The following GULP1 variants were observed in gnomAD, a reference collection of about 807,000 sequenced individuals.
The protein encoded by GULP1 is GULP PTB domain containing engulfment adaptor 1.
A neutral mutation model predicts 40.9 loss-of-function variants in GULP1; 19 were observed. The observed-to-expected ratio is 0.46, with a 90% CI of 0.32 to 0.68. The LOEUF (loss-of-function observed/expected upper bound fraction) is 0.68. Ranked by LOEUF, GULP1 falls within the 30% of genes least tolerant of loss-of-function variation. GULP1 has a pLI of 0.03. For synonymous variants in GULP1, 119 were observed against 117.6 expected (o/e 1.01, Z -0.08); for missense variants, 312 against 362.2 (o/e 0.86, Z 1.12).
intron 1 of GULP1, among the ~76,000 whole-genome samples, chr2:188,357,437 A>G (rs72909520): frequency 0.12 from 18,490 of 152,264 alleles, 1,285 homozygotes; most frequent in Middle Eastern, 0.17. Flanking sequence ...ATCAGTAAGT[A>G]TATGAGAAAA....
At chr2:188,427,894 G>C (rs2056408512) in intron 2 of GULP1, among the ~76,000 whole-genome samples, 1 of 152,196 alleles carries the variant, frequency 6.6e-6, no homozygotes, top group Non-Finnish European at 1.5e-5. Flanking sequence ...TACAATGGCA[G>C]CTTGCATCCT....
chr2:188,415,735 G>C (rs1347090796), intron 2 of GULP1, among the ~76,000 whole-genome samples: 1 of 152,096 alleles, frequency 6.6e-6, no homozygotes, highest in Non-Finnish European at 1.5e-5. Flanking sequence ...AAAAGCACAA[G>C]ATTGTTAAGA....
At chr2:188,365,843 G>A (rs1157383386) in intron 1 of GULP1, among the ~76,000 whole-genome samples, 1 of 152,150 alleles carries the variant, frequency 6.6e-6, no homozygotes. Flanking sequence ...TGAAGTGGGC[G>A]ATATGGTATA....
chr2:188,378,231 A>T (rs2152480876), intron 1 of GULP1, among the ~76,000 whole-genome samples: 1 of 151,512 alleles, frequency 6.6e-6, no homozygotes, highest in South Asian at 2.1e-4. Context: ...CATTTTAGTC[A>T]CTACGCTACT....
intron 1 of GULP1, among the ~76,000 whole-genome samples, chr2:188,314,792 C>A (rs898234081): frequency 6.6e-6 from 1 of 152,126 alleles, no homozygotes; most frequent in African/African-American, 2.4e-5. Context: ...ATAAACGATT[C>A]TTGTTTTAAA....
chr2:188,577,987 G>C (rs1000000768), intron 9 of GULP1, among the ~76,000 whole-genome samples: 2 of 151,690 alleles, frequency 1.3e-5, no homozygotes, highest in African/African-American at 4.8e-5. Context: ...ATATATAAAT[G>C]TAAGGGAATT....
intron 1 of GULP1, among the ~76,000 whole-genome samples, chr2:188,339,431 A>G (rs1474446953): frequency 6.6e-6 from 1 of 152,150 alleles, no homozygotes. Flanking sequence ...GATGCTTTGG[A>G]TGGAAAATTC....
rs928903725 is a variant in GULP1 at position 188,366,266 on chromosome 2, AAC to A, written c.-171-17495_-171-17494del. Reference sequence around the variant, plus strand: ...GCAAAGCCCCCAAACACCCCATAAAAACAAAAACCAAGAAACGGTTTACATGA... The same window carrying A: ...GCAAAGCCCCCAAACACCCCATAAAAAAAAACCAAGAAACGGTTTACATGA... On this transcript the variant is annotated intron_variant, in intron 1 of 11. Transcript: ENST00000409830. 2.5e-3 allele frequency among the ~76,000 whole-genome samples: 382 copies of A among 152,174 alleles called. 1 individual carries two copies. Among genetic ancestry groups the A allele is most frequent in the African/African-American group, 8.4e-3 (347 of 41,430 alleles).
At chr2:188,536,663 A>G (rs974403363) in intron 6 of GULP1, among the ~76,000 whole-genome samples, 3 of 152,070 alleles carry the variant, frequency 2.0e-5, no homozygotes, top group African/African-American at 7.2e-5. Flanking sequence ...CTGGCTATTC[A>G]GGCCCTTTTT....
chr2:188,344,416 A>G (rs1164858324), intron 1 of GULP1, among the ~76,000 whole-genome samples: 1 of 152,192 alleles, frequency 6.6e-6, no homozygotes, highest in East Asian at 1.9e-4. Context: ...TTTTGAGAAC[A>G]TCTATTCTAA....
chr2:188,435,479 A>C (rs2057319811), intron 2 of GULP1, among the ~76,000 whole-genome samples: 1 of 152,020 alleles, frequency 6.6e-6, no homozygotes, highest in Admixed American at 6.6e-5. Context: ...AGAATCTTTG[A>C]GATAGCTTGT....
At chr2:188,488,128 G>A (rs1199976341) in intron 4 of GULP1, among the ~76,000 whole-genome samples, 1 of 151,944 alleles carries the variant, frequency 6.6e-6, no homozygotes, top group Admixed American at 6.6e-5. Flanking sequence ...CTGCCCAATA[G>A]TAATCCTAGA....
At chr2:188,369,453 C>T (rs1462989584) in intron 1 of GULP1, among the ~76,000 whole-genome samples, 1 of 151,958 alleles carries the variant, frequency 6.6e-6, no homozygotes, top group Non-Finnish European at 1.5e-5. Flanking sequence ...ACAGGAACCC[C>T]AGCCAACATG....
chr2:188,457,689 GT>G (rs1472731324), intron 2 of GULP1, among the ~76,000 whole-genome samples: 7 of 152,092 alleles, frequency 4.6e-5, no homozygotes, highest in African/African-American at 1.7e-4. Context: ...GGTAAATTTT[GT>G]TTCAATATAT....
chr2:188,362,488 A>G (rs1013610437), intron 1 of GULP1, among the ~76,000 whole-genome samples: 1 of 152,148 alleles, frequency 6.6e-6, no homozygotes, highest in Non-Finnish European at 1.5e-5. Flanking sequence ...GTTTATAAAC[A>G]AAACAAAACA....
intron 2 of GULP1, among the ~76,000 whole-genome samples, chr2:188,405,963 G>T (rs138614891): frequency 6.6e-6 from 1 of 152,316 alleles, no homozygotes; most frequent in African/African-American, 2.4e-5. Flanking sequence ...CTAAAGAAAT[G>T]CAGATGTATG....
intron 2 of GULP1, among the ~76,000 whole-genome samples, chr2:188,458,549 T>C (rs2059450492): frequency 6.6e-6 from 1 of 152,144 alleles, no homozygotes; most frequent in Admixed American, 6.5e-5. Flanking sequence ...TTATTTTTTG[T>C]GGGTACATAG....
intron 4 of GULP1, among the ~76,000 whole-genome samples, chr2:188,490,846 C>T (rs958463562): frequency 1.3e-5 from 2 of 151,798 alleles, no homozygotes; most frequent in African/African-American, 4.9e-5. Context: ...CTGTGTCACC[C>T]AGGCTGAAAT....
At chr2:188,553,913 C>G (rs906628981) in intron 7 of GULP1, among the ~76,000 whole-genome samples, 1 of 151,964 alleles carries the variant, frequency 6.6e-6, no homozygotes, top group African/African-American at 2.4e-5. Flanking sequence ...CCCATTTACT[C>G]TAGATTGTTC....
Sources: gnomAD v4.1 joint callset for allele counts (sites outside exome capture counted in the v4.1 genomes callset) on GRCh38, gnomAD v4.1.1 for gene constraint, MANE v1.5 for transcripts, NCBI Gene and HGNC (gene_info 2026-07-23, HGNC 2026-07-21) for gene names.